BICD1: variants seen among roughly 807,000 people sequenced by gnomAD.
BICD1 encodes BICD cargo adaptor 1.
BICD1 carries 35 observed loss-of-function variants against 92.5 expected under a neutral mutation model. The observed-to-expected ratio is 0.38, with a 90% CI of 0.29 to 0.50. The LOEUF (loss-of-function observed/expected upper bound fraction) is 0.50, where lower values mean the gene tolerates loss of function less well. Among genes scored for constraint, BICD1 ranks in the 20% least tolerant of loss-of-function variants. BICD1 has a pLI of 0.93. For missense variants in BICD1, 950 were observed against 1,189.8 expected, an observed-to-expected ratio of 0.80 and a Z score of 2.97; for synonymous variants, 429 against 465.1, an observed-to-expected ratio of 0.92 and a Z score of 1.00.
chr12:32,293,636 G>A (rs1469203318), intron 2 of BICD1, among the ~76,000 whole-genome samples: 1 of 151,836 alleles, frequency 6.6e-6, no homozygotes, highest in Non-Finnish European at 1.5e-5. Context: ...GGCCTTTCTC[G>A]TTTCTTAAAA....
At chr12:32,111,514 C>T (rs1941690029) in intron 1 of BICD1, among the ~76,000 whole-genome samples, 1 of 152,158 alleles carries the variant, frequency 6.6e-6, no homozygotes, top group South Asian at 2.1e-4. Flanking sequence ...GATTTCTTTT[C>T]CAATCTATGA....
At chr12:32,248,578 ATGAAACATTAAAATGTAAAACAGACTCT>A (rs1946447456) in intron 2 of BICD1, among the ~76,000 whole-genome samples, 1 of 152,220 alleles carries the variant, frequency 6.6e-6, no homozygotes, top group African/African-American at 2.4e-5. Flanking sequence ...ATGCATATAG[ATGAAACATTAAAATGTAAAACAGACTCT>A]TGTGCTGATT....
chr12:32,281,047 C>G (rs544790498), intron 2 of BICD1, among the ~76,000 whole-genome samples: 1 of 150,374 alleles, frequency 6.7e-6, no homozygotes. Context: ...CTTTATTTAA[C>G]CTAATATTTC....
chr12:32,236,914 G>A lies in BICD1; in HGVS notation c.426+20455G>A, dbSNP rs1359399505. Among the ~76,000 whole-genome samples, 11 of 117,992 alleles carry A rather than the reference G, an allele frequency of 9.3e-5. 1 individual carries two copies. Among genetic ancestry groups the A allele is most frequent in the Non-Finnish European group, 1.6e-4 (10 of 61,876 alleles). The allele number at this position is 117,992 out of a possible 152,430, so 77.4% of individuals were successfully genotyped here. ...TTTTTTTTCAGAGTCTTGCTCTGTTGCCCAGGCTGGAGTGCATTGGCACAA... is the reference window on the plus strand; with the variant it reads ...TTTTTTTTCAGAGTCTTGCTCTGTTACCCAGGCTGGAGTGCATTGGCACAA... On this transcript the variant is annotated intron_variant, in intron 2 of 9. Coordinates refer to ENST00000652176, the MANE Select transcript of BICD1 (RefSeq NM_001714.4).
chr12:32,377,650 A>G lies in BICD1; in HGVS notation c.*23A>G. On this transcript the variant is annotated 3_prime_UTR_variant, in exon 10 of 10. Transcript: ENST00000652176. ...TAGTCTTCATCTCCTGTGGACGAAC[A>G]TCTGGGGTGGAAGTTTTGTAGCCAC... 3 of 1,593,398 alleles carry G rather than the reference A, an allele frequency of 1.9e-6. No individual in the cohort carries two copies. Among genetic ancestry groups the G allele is most frequent in the Non-Finnish European group, 1.7e-6 (2 of 1,161,316 alleles).
chr12:32,151,545 G>T (rs76563611), intron 1 of BICD1, among the ~76,000 whole-genome samples: 1 of 152,190 alleles, frequency 6.6e-6, no homozygotes, highest in African/African-American at 2.4e-5. Context: ...TAGATACATC[G>T]AAGGTTATGT....
intron 1 of BICD1, among the ~76,000 whole-genome samples, chr12:32,167,198 A>C (rs1490660307): frequency 2.0e-5 from 3 of 152,222 alleles, no homozygotes; most frequent in Non-Finnish European, 2.9e-5. Context: ...TGAAATAATC[A>C]GATATTTTCA....
chr12:32,296,470 G>T (rs574718222), intron 3 of BICD1, among the ~76,000 whole-genome samples: 3 of 151,730 alleles, frequency 2.0e-5, no homozygotes, highest in African/African-American at 7.2e-5. Context: ...TGTTAGCCAG[G>T]ATGGTCTCGA....
chr12:32,216,351 GGGGAAGATCTT>G lies in BICD1; in HGVS notation c.321_331del (p.Lys108AspfsTer14). ...CAGCATCGAAGGAGGCTTACTATCT[GGGGAAGATCTT>G]GGAGATGCAGAACGAGCTGAAACAG... On this transcript the variant is annotated frameshift_variant, in exon 2 of 10. Transcript: ENST00000652176. LOFTEE classifies it high-confidence loss of function. 1 of 1,614,160 alleles carries G rather than the reference GGGGAAGATCTT, an allele frequency of 6.2e-7. No individual in the cohort carries two copies. Among genetic ancestry groups the G allele is most frequent in the Non-Finnish European group, 8.5e-7 (1 of 1,180,036 alleles).
intron 9 of BICD1, among the ~76,000 whole-genome samples, chr12:32,376,166 C>T (rs1001185662): frequency 1.3e-5 from 2 of 151,726 alleles, no homozygotes; most frequent in Non-Finnish European, 2.9e-5. Flanking sequence ...TCGCTGCAAC[C>T]TCTGCCTCCC....
chr12:32,274,457 A>G (rs1375249903), intron 2 of BICD1, among the ~76,000 whole-genome samples: 1 of 152,188 alleles, frequency 6.6e-6, no homozygotes, highest in Non-Finnish European at 1.5e-5. Flanking sequence ...TTAAAAGGCA[A>G]TGAATATTCA....
intron 1 of BICD1, among the ~76,000 whole-genome samples, chr12:32,135,187 C>T (rs1262457): frequency 0.8 from 120,002 of 150,632 alleles, 47,893 homozygotes; most frequent in Middle Eastern, 0.88. Flanking sequence ...CTCCCAGGTT[C>T]AAGCCATTCT....
intron 1 of BICD1, among the ~76,000 whole-genome samples, chr12:32,189,173 T>C (rs1423734890): frequency 6.6e-6 from 1 of 152,230 alleles, no homozygotes; most frequent in Non-Finnish European, 1.5e-5. Flanking sequence ...AAGCAGCTTA[T>C]TGAGGACATG....
rs1555134322 is a variant in BICD1, at chr12:32,142,468, A to ATCTATCTATCGG, written c.213+34934_213+34935insGGTCTATCTATC. Among the ~76,000 whole-genome samples, 153 of 117,082 alleles carry ATCTATCTATCGG rather than the reference A, an allele frequency of 1.3e-3. 2 individuals carry two copies. Among genetic ancestry groups the ATCTATCTATCGG allele is most frequent in the African/African-American group, 4.6e-3 (148 of 31,880 alleles). The allele number at this position is 117,082 out of a possible 152,430, so 76.8% of individuals were successfully genotyped here. On this transcript the variant is annotated intron_variant, in intron 1 of 9. Transcript: ENST00000652176. The stretch of plus-strand genomic sequence containing the variant: ...ACCTATCTATCCTATCTATCTATCT[A>ATCTATCTATCGG]TCTATCTATCTATCTATCTATTGGT...
intron 3 of BICD1, among the ~76,000 whole-genome samples, chr12:32,301,049 C>T (rs1293210029): frequency 3.9e-5 from 6 of 152,150 alleles, no homozygotes; most frequent in Non-Finnish European, 8.8e-5. Context: ...TATAACCACA[C>T]TGAGGGCAAT....
chr12:32,290,492 ACT>A (rs972699161), intron 2 of BICD1, among the ~76,000 whole-genome samples: 32 of 151,750 alleles, frequency 2.1e-4, no homozygotes, highest in African/African-American at 7.3e-4. Flanking sequence ...GGTGTCAAAG[ACT>A]CTCTCCTTAA....
chr12:32,153,963 C>A (rs1943364283), intron 1 of BICD1, among the ~76,000 whole-genome samples: 2 of 151,966 alleles, frequency 1.3e-5, no homozygotes, highest in Non-Finnish European at 2.9e-5. Flanking sequence ...TTGCGGTAGC[C>A]ATGTGAACAT....
At chr12:32,160,373 T>C (rs1276782463) in intron 1 of BICD1, among the ~76,000 whole-genome samples, 1 of 152,240 alleles carries the variant, frequency 6.6e-6, no homozygotes, top group Non-Finnish European at 1.5e-5. Flanking sequence ...TGTAAAGCCA[T>C]CGTTAGCTAA....
At chr12:32,253,848 GC>G (rs1347525722) in intron 2 of BICD1, among the ~76,000 whole-genome samples, 2 of 148,698 alleles carry the variant, frequency 1.3e-5, no homozygotes, top group Admixed American at 1.3e-4. Flanking sequence ...CATAATCACT[GC>G]CGTATCCCAC....
Sources: allele counts gnomAD v4.1 joint callset (sites outside exome capture counted in the v4.1 genomes callset), GRCh38; gene constraint gnomAD v4.1.1; transcripts MANE v1.5; gene names NCBI Gene and HGNC (gene_info 2026-07-23, HGNC 2026-07-21).